PSMC2: variants seen among roughly 807,000 people sequenced by gnomAD.
PSMC2 encodes the protein proteasome 26S subunit, ATPase 2.
A neutral mutation model predicts 53.3 loss-of-function variants in PSMC2; 7 were observed. That is an observed-to-expected ratio of 0.13 (90% CI 0.07 to 0.25). PSMC2 has a LOEUF of 0.25. Ranked by LOEUF, PSMC2 falls within the 10% of genes least tolerant of loss-of-function variation. PSMC2 has a pLI of 1.00. For missense variants in PSMC2, 241 were observed against 544.0 expected (o/e 0.44, Z 5.54); for synonymous variants, 169 against 183.9 (o/e 0.92, Z 0.66).
At chr7:103,362,528 C>A in intron 5 of PSMC2, 158 bp from the exon 6 acceptor site, 1 of 1,406,106 alleles carries the variant, frequency 7.1e-7, no homozygotes, top group African/African-American at 1.5e-5. Flanking sequence ...AGTTTAGTAT[C>A]CTCAGATTTC....
At chr7:103,352,114 T>C (rs1264110124) in intron 1 of PSMC2, among the ~76,000 whole-genome samples, 1 of 150,450 alleles carries the variant, frequency 6.6e-6, no homozygotes, top group African/African-American at 2.5e-5. Context: ...TCCATCTACT[T>C]AATTTCCTAT....
At chr7:103,364,958 C>CATACATATATATATATATATAT (rs374432802) in intron 8 of PSMC2, among the ~76,000 whole-genome samples, 6 of 125,500 alleles carry the variant, frequency 4.8e-5, no homozygotes, top group African/African-American at 1.8e-4. Context: ...TGTAGACATA[C>CATACATATATATATATATATAT]ATATATATAT....
chr7:103,350,666 A>G (rs900116624), intron 1 of PSMC2, among the ~76,000 whole-genome samples: 1 of 144,356 alleles, frequency 6.9e-6, no homozygotes. Flanking sequence ...TTTAAAACTT[A>G]TTTTTTTTTT....
chr7:103,347,908 A>C, intron 1 of PSMC2, 127 bp downstream of exon 1: 1 of 983,166 alleles, frequency 1.0e-6, no homozygotes, highest in Non-Finnish European at 1.6e-6. Flanking sequence ...CTAGTAATTT[A>C]GTCTGGACAC....
In PSMC2 at chr7:103,347,789, G is replaced by A. The variant is rs1819636616; in HGVS notation, c.70+8G>A. 3 of 1,613,804 alleles carry A rather than the reference G, an allele frequency of 1.9e-6. No individual in the cohort carries two copies. Among genetic ancestry groups the A allele is most frequent in the Non-Finnish European group, 2.5e-6 (3 of 1,179,810 alleles). On this transcript the variant is annotated splice_region_variant and intron_variant, in intron 1 of 11. Coordinates refer to ENST00000292644, the MANE Select transcript of PSMC2 (RefSeq NM_002803.4). ...ACGACAAGCCCATCCGAGGTCAGTTGACATGGGCCGGAGCTCGGAGCTGGG... is the reference window on the plus strand; with the variant it reads ...ACGACAAGCCCATCCGAGGTCAGTTAACATGGGCCGGAGCTCGGAGCTGGG...
At chr7:103,362,793 TC>T (rs569927187) in intron 6 of PSMC2, 35 bp downstream of exon 6, 252 of 1,291,982 alleles carry the variant, frequency 2.0e-4, no homozygotes, top group South Asian at 3.3e-4. Flanking sequence ...GAAGGCTATG[TC>T]TTTTTTTTTT....
At chr7:103,353,186 A>C (rs1819824317) in intron 1 of PSMC2, among the ~76,000 whole-genome samples, 1 of 152,180 alleles carries the variant, frequency 6.6e-6, no homozygotes, top group Non-Finnish European at 1.5e-5. Flanking sequence ...TTTTATATAA[A>C]AACAAAATAT....
intron 9 of PSMC2, among the ~76,000 whole-genome samples, chr7:103,366,638 C>A (rs2116268442): frequency 6.6e-6 from 1 of 152,280 alleles, no homozygotes; most frequent in South Asian, 2.1e-4. Context: ...TCATACAACA[C>A]CTATTTCCAT....
At chr7:103,365,858 G>T (rs930082221) in intron 8 of PSMC2, among the ~76,000 whole-genome samples, 3 of 152,120 alleles carry the variant, frequency 2.0e-5, no homozygotes, top group Non-Finnish European at 4.4e-5. Flanking sequence ...AACCCAGGCG[G>T]CAGAGGTTGC....
At chr7:103,347,806 G>A (rs780243075) in intron 1 of PSMC2, 25 bp downstream of exon 1, 2 of 1,613,242 alleles carry the variant, frequency 1.2e-6, no homozygotes. Flanking sequence ...GCCGGAGCTC[G>A]GAGCTGGGGC....
chr7:103,349,762 T>C (rs895744944), intron 1 of PSMC2, among the ~76,000 whole-genome samples: 4 of 152,208 alleles, frequency 2.6e-5, no homozygotes, highest in African/African-American at 7.2e-5. Context: ...ATTAAGTTAC[T>C]TTCAATTTAA....
At chr7:103,365,888 A>G (rs901447452) in intron 8 of PSMC2, among the ~76,000 whole-genome samples, 188 bp from the exon 9 acceptor site, 1 of 152,232 alleles carries the variant, frequency 6.6e-6, no homozygotes, top group South Asian at 2.1e-4. Flanking sequence ...AGCTCGCACC[A>G]CTGCACTCCA....
At chr7:103,354,424 A>C (rs1290000629) in intron 2 of PSMC2, among the ~76,000 whole-genome samples, 1 of 146,644 alleles carries the variant, frequency 6.8e-6, no homozygotes, top group Non-Finnish European at 1.5e-5. Flanking sequence ...GCTGGAGTGC[A>C]ATGGCGCGAT....
chr7:103,354,485 C>A (rs1819921199), intron 2 of PSMC2, among the ~76,000 whole-genome samples: 1 of 151,528 alleles, frequency 6.6e-6, no homozygotes, highest in Non-Finnish European at 1.5e-5. Context: ...TCTCCTGCCT[C>A]AGCCTCCTGA....
rs188135305 is a variant in PSMC2, at chr7:103,352,254, C to T, written c.71-1667C>T. 1.5e-4 allele frequency among the ~76,000 whole-genome samples: 18 copies of T among 123,274 alleles called. No individual in the cohort carries two copies. The East Asian group carries it at 3.6e-3, about 24-fold the overall frequency. The allele number at this position is 123,274 out of a possible 152,430, so 80.9% of individuals were successfully genotyped here. A position where few individuals can be genotyped will look rare whatever the true frequency, so the allele number is the denominator to read the frequency against. On this transcript the variant is annotated intron_variant, in intron 1 of 11. Coordinates refer to ENST00000292644, the MANE Select transcript of PSMC2 (RefSeq NM_002803.4). ...AAAAAAAAAAAAAAAAAAGACCTGC[C>T]GTTTTTTTCCTTAAAATATGTACGA...
At chr7:103,358,463 T>C (rs1367732740) in intron 4 of PSMC2, among the ~76,000 whole-genome samples, 1 of 152,168 alleles carries the variant, frequency 6.6e-6, no homozygotes, top group Non-Finnish European at 1.5e-5. Context: ...GCCTCCAGGA[T>C]TGCTCCTCTA....
chr7:103,354,971 T>C, intron 3 of PSMC2, 22 bp downstream of exon 3: 1 of 1,462,176 alleles, frequency 6.8e-7, no homozygotes, highest in Non-Finnish European at 9.6e-7. Context: ...TAAATTCCCA[T>C]TTCCTTCCTT....
intron 9 of PSMC2, 134 bp downstream of exon 9, chr7:103,366,297 C>A: frequency 1.4e-6 from 1 of 733,198 alleles, no homozygotes; most frequent in Admixed American, 2.4e-5. Flanking sequence ...AGTGGCGCCA[C>A]AGATCTAATA....
chr7:103,362,819 G>A (rs1188725018), intron 6 of PSMC2, 61 bp downstream of exon 6: 41 of 1,204,048 alleles, frequency 3.4e-5, no homozygotes, highest in African/African-American at 1.6e-4. Context: ...TTTTTGAGGC[G>A]GAGTTTCACT....
Sources: allele counts gnomAD v4.1 joint callset (sites outside exome capture counted in the v4.1 genomes callset), GRCh38; gene constraint gnomAD v4.1.1; transcripts MANE v1.5; gene names NCBI Gene and HGNC (gene_info 2026-07-23, HGNC 2026-07-21).